The following KLHL25 variants were observed in gnomAD, a reference collection of about 807,000 sequenced individuals.
The protein encoded by KLHL25 is kelch-like protein 25.
Under a neutral mutation model 30.0 loss-of-function variants are expected in KLHL25, and 41 were observed. The observed-to-expected ratio is 1.37, with a 90% CI of 1.07 to 1.78. The LOEUF (loss-of-function observed/expected upper bound fraction) is 1.78, where lower values mean the gene tolerates loss of function less well. Among genes scored for constraint, KLHL25 ranks in the 40% most tolerant of loss-of-function variants. The pLI, the probability that KLHL25 is intolerant of heterozygous loss-of-function variation, is 0.00. For missense variants in KLHL25, 971 were observed against 824.5 expected, an observed-to-expected ratio of 1.18 and a Z score of -2.18; for synonymous variants, 399 against 355.3, an observed-to-expected ratio of 1.12 and a Z score of -1.38.
rs200413336 is a variant in KLHL25 at position 85,769,386 on chromosome 15, T to C, written c.425A>G (p.Lys142Arg). 7.3e-5 allele frequency: 118 copies of C among 1,614,166 alleles called. 1 individual carries two copies. In the East Asian group the frequency reaches 2.4e-3, roughly 33 times the overall value. Residue 142 changes from lysine (K) to arginine (R), a missense_variant, in exon 2 of 3, where the codon AAG becomes AGG. By Grantham distance (26) the Lys-to-Arg change is conservative. Coordinates refer to ENST00000337975, the MANE Select transcript of KLHL25 (RefSeq NM_022480.4). ...VRDAAAEFLE[K>R]NLFPSNCLGM... ...CAGGCAGTTGGAGGGGAAAAGGTTC[T>C]TCTCCAGGAACTCGGCGGCAGCATC...
intron 1 of KLHL25, among the ~76,000 whole-genome samples, chr15:85,776,640 C>G (rs967777462): frequency 1.3e-5 from 2 of 151,802 alleles, no homozygotes; most frequent in African/African-American, 4.8e-5. Context: ...GTGAAAAGAT[C>G]TGAGGCCGGG....
At chr15:85,771,162 C>A (rs1032957184) in intron 1 of KLHL25, 4 of 155,608 alleles carry the variant, frequency 2.6e-5, no homozygotes, top group South Asian at 1.5e-4. Context: ...GTGGCTACAA[C>A]AGGGTTTTTA....
chr15:85,788,522 A>T (rs1432277057), intron 1 of KLHL25, among the ~76,000 whole-genome samples: 1 of 152,040 alleles, frequency 6.6e-6, no homozygotes, highest in Admixed American at 6.6e-5. Flanking sequence ...CAGATGGGGG[A>T]AAAAAATTCC....
At chr15:85,784,622 G>C (rs2089767933) in intron 1 of KLHL25, among the ~76,000 whole-genome samples, 1 of 152,188 alleles carries the variant, frequency 6.6e-6, no homozygotes. Flanking sequence ...GAAAGGATGT[G>C]ACACATCACT....
Position 85,768,165 on chromosome 15 carries a change from G to C in KLHL25, c.1646C>G (p.Thr549Ser). ...KLYVVGGYFG[T>S]QRCKTLDCYD... ...GCAGTCCAGAGTCTTACACCTCTGGGTCCCAAAGTAGCCCCCGACCACATA... is the reference window on the plus strand; with the variant it reads ...GCAGTCCAGAGTCTTACACCTCTGGCTCCCAAAGTAGCCCCCGACCACATA... Residue 549 changes from threonine to serine, a missense_variant, in exon 2 of 3, where the codon ACC becomes AGC. Thr to Ser is a moderately conservative substitution (Grantham distance 58). Transcript: ENST00000337975. The C allele has an allele frequency of 1.2e-6, 2 of 1,614,244 alleles. No individual in the cohort carries two copies. The highest frequency in any genetic ancestry group is 1.7e-6 in the Non-Finnish European group (2 of 1,180,042).
In KLHL25 at chr15:85,790,665, G is replaced by A. The variant is rs966932674; in HGVS notation, c.-11+4101C>T. Among the ~76,000 whole-genome samples the A allele has an allele frequency of 2.0e-5, 3 of 152,130 alleles. No individual in the cohort carries two copies. The East Asian group carries it at 5.8e-4, about 29-fold the overall frequency. ...GACTCAAGTGCTCTTTCTGCCAACA[G>A]GTTCCAGGTCTGAGGGCTCTAGCTA... is the stretch of plus-strand genomic sequence containing the variant. On this transcript the variant is annotated intron_variant, in intron 1 of 2. Coordinates refer to ENST00000337975, the MANE Select transcript of KLHL25 (RefSeq NM_022480.4).
intron 1 of KLHL25, among the ~76,000 whole-genome samples, chr15:85,782,454 G>A (rs1274454959): frequency 6.6e-6 from 1 of 151,690 alleles, no homozygotes; most frequent in Admixed American, 6.6e-5. Context: ...GTGTTCAATC[G>A]GTTCCCTTTC....
Position 85,769,788 on chromosome 15 carries a change from G to A in KLHL25, c.23C>T (p.Thr8Ile), listed in dbSNP as rs558753802. The A allele has an allele frequency of 8.0e-5, 129 of 1,610,744 alleles. 1 individual carries two copies. In the South Asian group the frequency reaches 1.4e-3, roughly 17 times the overall value. The change falls in exon 2 of 3, where the codon ACC becomes ATC. Residue 8 changes from threonine (T) to isoleucine (I), a missense_variant. Physicochemically the swap from Thr to Ile is moderately conservative, Grantham distance 89. Transcript: ENST00000337975. MSVSVHETRKSRSSTGSM... is the reference protein window; with the variant it reads MSVSVHEIRKSRSSTGSM... ...CCCCGTGCTGCTCCGCGACTTGCGG[G>A]TCTCATGGACACTGACCGACATGGT... is the stretch of plus-strand genomic sequence containing the variant.
rs180713601 is a variant in KLHL25 at position 85,782,300 on chromosome 15, G to A, written c.-11+12466C>T. ...ATCCTTCCTGGGACCTTGCATTGGG[G>A]TTTTCCTTCCCAGTCTTGCGTCACC... On this transcript the variant is annotated intron_variant, in intron 1 of 2. Coordinates refer to ENST00000337975, the MANE Select transcript of KLHL25 (RefSeq NM_022480.4). Among the ~76,000 whole-genome samples the A allele has an allele frequency of 2.5e-4, 38 of 152,136 alleles. No individual in the cohort carries two copies. The East Asian group carries it at 7.2e-3, about 29-fold the overall frequency.
rs368505580 is a variant in KLHL25, at chr15:85,769,088, C to A, written c.723G>T (p.Leu241=). 3.1e-6 allele frequency: 5 copies of A among 1,606,282 alleles called. No homozygotes were observed. In the African/African-American group the frequency reaches 6.7e-5, roughly 21 times the overall value. ...CGGCCTCCTGCAGGCAGTCGGACGG[C>A]AGCAAGGCCAGACGCACGCTGCGGA... ...ELLRSVRLAL[L]PSDCLQEAVS... The change falls in exon 2 of 3, where the codon CTG becomes CTT. Residue 241 remains leucine (L), a synonymous_variant. Coordinates refer to ENST00000337975, the MANE Select transcript of KLHL25 (RefSeq NM_022480.4).
In KLHL25 at chr15:85,774,154, C is replaced by T. The variant is rs373315102; in HGVS notation, c.-10-4334G>A. On this transcript the variant is annotated intron_variant, in intron 1 of 2. Transcript: ENST00000337975. ...CCCAAAAGCAGGCCCCGGGAAGCCTCCCTGTGCCCATGGCTCACGTCTTTG... is the reference window on the plus strand; with the variant it reads ...CCCAAAAGCAGGCCCCGGGAAGCCTTCCTGTGCCCATGGCTCACGTCTTTG... Among the ~76,000 whole-genome samples, 40 of 152,266 alleles carry T rather than the reference C, an allele frequency of 2.6e-4. No individual in the cohort carries two copies. In the East Asian group the frequency reaches 6.8e-3, roughly 26 times the overall value.
In KLHL25 at chr15:85,769,766, C is replaced by G. The variant is rs774783250; in HGVS notation, c.45G>C (p.Thr15=). The part of the protein sequence containing the change: ...VHETRKSRSS[T]GSMNVTLFHK... ...GGAAGAGGGTGACGTTCATGGACCC[C>G]GTGCTGCTCCGCGACTTGCGGGTCT... Residue 15 remains threonine (T), a synonymous_variant, in exon 2 of 3, where the codon ACG becomes ACC. Coordinates refer to ENST00000337975, the MANE Select transcript of KLHL25 (RefSeq NM_022480.4). The G allele has an allele frequency of 6.2e-7, 1 of 1,612,846 alleles. No homozygotes were observed. Among genetic ancestry groups the G allele is most frequent in the Non-Finnish European group, 8.5e-7 (1 of 1,179,928 alleles).
chr15:85,785,690 G>A (rs547179335), intron 1 of KLHL25, among the ~76,000 whole-genome samples: 178 of 151,986 alleles, frequency 1.2e-3, no homozygotes, highest in Non-Finnish European at 2.1e-3. Context: ...CACAGCAAAG[G>A]ACCATGTGCA....
Position 85,764,644 on chromosome 15 carries a change from G to C in KLHL25, c.*24+3373C>G, listed in dbSNP as rs563282904. ...GGACTCCAGTGGGCACAGGGCAAGTGCCTGCTGAGGAACAGCAGTCATGGG... is the reference window on the plus strand; with the variant it reads ...GGACTCCAGTGGGCACAGGGCAAGTCCCTGCTGAGGAACAGCAGTCATGGG... On this transcript the variant is annotated intron_variant, in intron 2 of 2. Coordinates refer to ENST00000337975, the MANE Select transcript of KLHL25 (RefSeq NM_022480.4). 3.3e-5 allele frequency among the ~76,000 whole-genome samples: 5 copies of C among 152,302 alleles called. No individual in the cohort carries two copies. The East Asian group carries it at 9.7e-4, about 29-fold the overall frequency.
chr15:85,763,300 G>A (rs975412931), intron 2 of KLHL25: 2 of 152,292 alleles, frequency 1.3e-5, no homozygotes, highest in African/African-American at 4.8e-5. Context: ...TGCTGGCCAA[G>A]CCTGTGCTCT....
chr15:85,773,192 A>C (rs549269017), intron 1 of KLHL25, among the ~76,000 whole-genome samples: 10 of 152,304 alleles, frequency 6.6e-5, no homozygotes, highest in African/African-American at 2.2e-4. Context: ...ATGTGACCTC[A>C]ACACCCAGGA....
chr15:85,785,328 C>A (rs770533874), intron 1 of KLHL25, among the ~76,000 whole-genome samples: 1 of 152,130 alleles, frequency 6.6e-6, no homozygotes, highest in Non-Finnish European at 1.5e-5. Context: ...CTCCTGACCT[C>A]GTGATCTGCC....
intron 1 of KLHL25, among the ~76,000 whole-genome samples, chr15:85,782,981 G>A (rs560613675): frequency 2.0e-5 from 3 of 152,280 alleles, no homozygotes; most frequent in South Asian, 2.1e-4. Context: ...CAATACCCAC[G>A]GGAGAAAGAA....
chr15:85,768,886 T>C lies in KLHL25; in HGVS notation c.925A>G (p.Lys309Glu), dbSNP rs2089646295. ...GCCTTGTGGTCCACCTGGTAGATCT[T>C]GTCACACATGAAGGTCTGGCCCCCC... The part of the protein sequence containing the change: ...ILGGQTFMCD[K>E]IYQVDHKAKE... The change falls in exon 2 of 3, where the codon AAG (lysine) becomes GAG (glutamate). Residue 309 changes from lysine (K) to glutamate (E), a missense_variant. Transcript: ENST00000337975. The C allele has an allele frequency of 6.2e-7, 1 of 1,613,332 alleles. No individual in the cohort carries two copies. Among genetic ancestry groups the C allele is most frequent in the Non-Finnish European group, 8.5e-7 (1 of 1,180,034 alleles).
Sources: allele counts gnomAD v4.1 joint callset (sites outside exome capture counted in the v4.1 genomes callset), GRCh38; gene constraint gnomAD v4.1.1; transcripts MANE v1.5; gene names NCBI Gene and HGNC (gene_info 2026-07-23, HGNC 2026-07-21).